Variants in PLD5 observed in about 807,000 individuals in gnomAD.
The protein encoded by PLD5 is inactive phospholipase D5.
In PLD5, 36 loss-of-function variants were observed where a neutral mutation model predicts 61.1. The ratio of observed to expected loss-of-function variants is 0.59; its 90% CI spans 0.45 to 0.78. The LOEUF is 0.78. PLD5 is among the 30% of genes least tolerant of loss of function. The pLI, the probability that PLD5 is intolerant of heterozygous loss-of-function variation, is 0.00. For missense variants in PLD5, 515 were observed against 644.4 expected (o/e 0.80, Z 2.17); for synonymous variants, 243 against 242.8 (o/e 1.00, Z -0.01).
At chr1:242,148,487 A>G (rs1485637432) in intron 5 of PLD5, among the ~76,000 whole-genome samples, 1 of 151,838 alleles carries the variant, frequency 6.6e-6, no homozygotes, top group African/African-American at 2.4e-5. Flanking sequence ...CCCTTTCTAA[A>G]TAAATGTTAG....
intron 1 of PLD5, among the ~76,000 whole-genome samples, chr1:242,493,123 A>G (rs1462950246): frequency 6.6e-6 from 1 of 152,188 alleles, no homozygotes; most frequent in Non-Finnish European, 1.5e-5. Flanking sequence ...ATAGTTTAGG[A>G]TATCTCACAA....
At chr1:242,317,154 C>T (rs887953166) in intron 2 of PLD5, among the ~76,000 whole-genome samples, 2 of 152,146 alleles carry the variant, frequency 1.3e-5, no homozygotes, top group Middle Eastern at 3.4e-3. Context: ...ATCCCAATTA[C>T]AGGCGCCCAC....
intron 1 of PLD5, among the ~76,000 whole-genome samples, chr1:242,438,788 A>C (rs78275490): frequency 6.6e-6 from 1 of 152,132 alleles, no homozygotes; most frequent in Non-Finnish European, 1.5e-5. Context: ...AAGGGGAGTC[A>C]GGGTGCTGTC....
At chr1:242,465,167 A>G (rs1667236932) in intron 1 of PLD5, among the ~76,000 whole-genome samples, 1 of 152,210 alleles carries the variant, frequency 6.6e-6, no homozygotes, top group Non-Finnish European at 1.5e-5. Context: ...TCAATTAAGG[A>G]AAGAGAATCT....
At chr1:242,220,136 T>C in intron 4 of PLD5, 21 bp from the exon 5 acceptor site, 7 of 1,613,056 alleles carry the variant, frequency 4.3e-6, no homozygotes, top group Non-Finnish European at 5.9e-6. Flanking sequence ...AAGGACAGTC[T>C]GGTCAGCCTC....
In PLD5 at chr1:242,445,467, G is replaced by A. The variant is rs140927465; in HGVS notation, c.189+78621C>T. 1.2e-3 allele frequency among the ~76,000 whole-genome samples: 183 copies of A among 152,168 alleles called. 3 individuals are homozygous for A. The highest frequency in any genetic ancestry group is 4.1e-3 in the African/African-American group (169 of 41,504). On this transcript the variant is annotated intron_variant, in intron 1 of 9. Transcript: ENST00000536534. ...AGTGATTCTCCTGCCTCAGCCTCCC[G>A]AGTAGCTGTGATTACAGGTGCCCAC...
chr1:242,289,493 C>T (rs1675230515), intron 2 of PLD5, among the ~76,000 whole-genome samples: 1 of 152,164 alleles, frequency 6.6e-6, no homozygotes, highest in Non-Finnish European at 1.5e-5. Context: ...AGATTACAGA[C>T]ACCTGCCACC....
At chr1:242,233,807 C>G (rs547672861) in intron 4 of PLD5, among the ~76,000 whole-genome samples, 1 of 152,148 alleles carries the variant, frequency 6.6e-6, no homozygotes, top group Non-Finnish European at 1.5e-5. Flanking sequence ...GTGTGTCCCT[C>G]TCTGTCTCCT....
chr1:242,179,944 G>C (rs919557204), intron 5 of PLD5, among the ~76,000 whole-genome samples: 1 of 138,390 alleles, frequency 7.2e-6, no homozygotes, highest in Non-Finnish European at 1.6e-5. Flanking sequence ...GTGTGTGTGT[G>C]TGTAGGGAGG....
rs1483166084 is a variant in PLD5, at chr1:242,314,546, C to T, written c.327-26016G>A. The stretch of plus-strand genomic sequence containing the variant: ...TCCTTCTCTCCGAACTAGGGCTTGC[C>T]TTTGTGCCTCTATGTGTTTCCATGG... On this transcript the variant is annotated intron_variant, in intron 2 of 9. Transcript: ENST00000536534. Among the ~76,000 whole-genome samples, 5 of 152,206 alleles carry T rather than the reference C, an allele frequency of 3.3e-5. No homozygotes were observed. The South Asian group carries it at 8.3e-4, about 25-fold the overall frequency.
intron 1 of PLD5, among the ~76,000 whole-genome samples, chr1:242,499,371 T>G (rs1668478941): frequency 6.6e-6 from 1 of 152,228 alleles, no homozygotes; most frequent in African/African-American, 2.4e-5. Context: ...TTTACTGTTA[T>G]AAAGAATTTG....
At chr1:242,125,856 T>C (rs1026380958) in intron 5 of PLD5, among the ~76,000 whole-genome samples, 2 of 152,184 alleles carry the variant, frequency 1.3e-5, no homozygotes, top group Non-Finnish European at 2.9e-5. Flanking sequence ...CATGTTCCTC[T>C]GTACAGATCT....
At chr1:242,475,264 A>G (rs1337586255) in intron 1 of PLD5, among the ~76,000 whole-genome samples, 2 of 152,180 alleles carry the variant, frequency 1.3e-5, no homozygotes, top group African/African-American at 4.8e-5. Context: ...TCTACTAAAA[A>G]TACAAAAAAT....
chr1:242,398,668 T>A (rs1663743865), intron 1 of PLD5, among the ~76,000 whole-genome samples: 1 of 125,300 alleles, frequency 8.0e-6, no homozygotes, highest in Non-Finnish European at 1.7e-5. Flanking sequence ...GACCTTGAAC[T>A]TAGTCACTTA....
At chr1:242,154,618 T>C (rs996933924) in intron 5 of PLD5, among the ~76,000 whole-genome samples, 2 of 152,202 alleles carry the variant, frequency 1.3e-5, no homozygotes, top group Non-Finnish European at 2.9e-5. Context: ...GTTTCTGTCA[T>C]TGGTTCTGTT....
intron 5 of PLD5, among the ~76,000 whole-genome samples, chr1:242,147,035 A>G (rs1664592361): frequency 6.6e-6 from 1 of 152,234 alleles, no homozygotes; most frequent in Non-Finnish European, 1.5e-5. Context: ...TACAATTGAC[A>G]TATAGTAAAT....
chr1:242,527,545 T>C (rs1243281433), upstream of PLD5, among the ~76,000 whole-genome samples: 1 of 152,214 alleles, frequency 6.6e-6, no homozygotes, highest in Non-Finnish European at 1.5e-5. Context: ...TCAAAAATAC[T>C]AGTCAAAATA....
chr1:242,295,192 C>A lies in PLD5; in HGVS notation c.327-6662G>T, dbSNP rs577140250. On this transcript the variant is annotated intron_variant, in intron 2 of 9. Transcript: ENST00000536534. ...CACGCAGGTTTCTTGCATGGGTATA[C>A]CTCATAATGCTGGGGTTCGGGCTTC... 2.0e-5 allele frequency among the ~76,000 whole-genome samples: 3 copies of A among 152,186 alleles called. No individual in the cohort carries two copies. In the South Asian group the frequency reaches 6.2e-4, roughly 32 times the overall value.
At chr1:242,125,139 T>C in intron 5 of PLD5, among the ~76,000 whole-genome samples, 1 of 152,208 alleles carries the variant, frequency 6.6e-6, no homozygotes, top group East Asian at 1.9e-4. Context: ...TTGAACAACA[T>C]ACTTAATTTC....
Sources: gnomAD v4.1 joint callset for allele counts (sites outside exome capture counted in the v4.1 genomes callset) on GRCh38, gnomAD v4.1.1 for gene constraint, MANE v1.5 for transcripts, NCBI Gene and HGNC (gene_info 2026-07-23, HGNC 2026-07-21) for gene names.